TG: variants seen among roughly 807,000 people sequenced by gnomAD.
The protein encoded by TG is thyroid hormones.
TG carries 270 observed loss-of-function variants against 324.7 expected under a neutral mutation model. That is an observed-to-expected ratio of 0.83 (90% CI 0.75 to 0.92). TG has a LOEUF of 0.92. Ranked by LOEUF, TG falls within the 40% of genes least tolerant of loss-of-function variation. The probability of loss-of-function intolerance (pLI) is 0.00; values close to 1 mark genes in which losing one functional copy is unlikely to be tolerated. For missense variants in TG, 3,591 were observed against 3,456.4 expected, an observed-to-expected ratio of 1.04 and a Z score of -0.98; for synonymous variants, 1,401 against 1,327.0, an observed-to-expected ratio of 1.06 and a Z score of -1.21.
chr8:132,908,257 A>C lies in TG; in HGVS notation c.3919A>C (p.Ser1307Arg), dbSNP rs528428282. 8.7e-6 allele frequency: 14 copies of C among 1,614,020 alleles called. 1 individual carries two copies. The South Asian group carries it at 1.3e-4, about 15-fold the overall frequency. ...CCAGCTCCCGCCGGGCAAGATGTGC[A>C]GTGCTGACTACGCGGATTTGCTGCA... is the stretch of plus-strand genomic sequence containing the variant. ...QLQLPPGKMC[S>R]ADYADLLQTF... The change falls in exon 18 of 48, where the codon AGT becomes CGT. Residue 1307 changes from serine to arginine, a missense_variant. Transcript: ENST00000220616.
chr8:132,975,938 T>C (rs1830119837), intron 34 of TG, among the ~76,000 whole-genome samples: 1 of 152,188 alleles, frequency 6.6e-6, no homozygotes. Flanking sequence ...TCTCTCTTAC[T>C]ATAAGTTTTT....
intron 13 of TG, 113 bp downstream of exon 13, chr8:132,898,359 G>T (rs1161744263): frequency 2.8e-6 from 3 of 1,059,114 alleles, no homozygotes; most frequent in Admixed American, 2.0e-5. Flanking sequence ...CTTCAGCCAG[G>T]TCCCGGGTGC....
Position 133,114,927 on chromosome 8 carries a change from G to A in TG, c.7754+1324G>A, listed in dbSNP as rs986223896. On this transcript the variant is annotated intron_variant, in intron 44 of 47. Coordinates refer to ENST00000220616, the MANE Select transcript of TG (RefSeq NM_003235.5). ...ACTGTACCACCCACTTGGATCTTGC[G>A]GACTAAAAGGCTTTAATTTTCCCTC... Among the ~76,000 whole-genome samples the A allele has an allele frequency of 5.9e-5, 9 of 152,052 alleles. No homozygotes were observed. In the South Asian group the frequency reaches 6.2e-4, roughly 11 times the overall value.
At chr8:133,025,948 A>G (rs72727500) in intron 40 of TG, among the ~76,000 whole-genome samples, 33,400 of 152,038 alleles carry the variant, frequency 0.22, 4,247 homozygotes, top group African/African-American at 0.34. Flanking sequence ...GCCTGTCTGC[A>G]AGCAGAAGAT....
intron 43 of TG, chr8:133,102,938 T>A: frequency 3.8e-6 from 1 of 260,978 alleles, no homozygotes. Flanking sequence ...CATGTGGGAG[T>A]TGGAAAGCAG....
chr8:132,882,554 C>G lies in TG; in HGVS notation c.831C>G (p.Tyr277Ter). 2 of 1,614,220 alleles carry G rather than the reference C, an allele frequency of 1.2e-6. No individual in the cohort carries two copies. The highest frequency in any genetic ancestry group is 1.7e-6 in the Non-Finnish European group (2 of 1,180,054). The change falls in exon 7 of 48, where the codon TAC becomes TAG. Residue 277 changes from tyrosine to a stop codon, truncating the protein, a stop_gained. Coordinates refer to ENST00000220616, the MANE Select transcript of TG (RefSeq NM_003235.5). LOFTEE classifies it high-confidence loss of function. ...LPSTFTETTL[Y>*]RILQRRFLAV... ...CCACCTTCACTGAAACCACCCTGTA[C>G]CGGATACTGCAGAGACGGTTCCTCG...
chr8:132,964,618 G>A (rs1828272250), intron 29 of TG: 1 of 398,712 alleles, frequency 2.5e-6, no homozygotes, highest in African/African-American at 2.1e-5. Flanking sequence ...TTGCTTTTAA[G>A]GAGGGCACAT....
At chr8:133,018,968 CAAATATGCGTG>C (rs1835309369) in intron 38 of TG, among the ~76,000 whole-genome samples, 1 of 152,312 alleles carries the variant, frequency 6.6e-6, no homozygotes, top group East Asian at 1.9e-4. Context: ...ACAAAAATAA[CAAATATGCGTG>C]AATTAAAGTG....
At chr8:132,969,175 G>A (rs958535068) in intron 31 of TG, among the ~76,000 whole-genome samples, 2 of 152,130 alleles carry the variant, frequency 1.3e-5, no homozygotes, top group Non-Finnish European at 2.9e-5. Context: ...CCACAGAAAA[G>A]TTGAGTAGTT....
chr8:133,094,500 A>G (rs1366086272), intron 41 of TG: 1 of 181,608 alleles, frequency 5.5e-6, no homozygotes, highest in African/African-American at 2.4e-5. Context: ...TCAGCCTCCC[A>G]AAGTGAGAAA....
At chr8:133,009,566 A>G (rs760912599) in intron 35 of TG, among the ~76,000 whole-genome samples, 2 of 151,602 alleles carry the variant, frequency 1.3e-5, no homozygotes, top group Non-Finnish European at 2.9e-5. Context: ...TAGACATGTC[A>G]TAGACTGAAT....
chr8:132,894,925 G>T (rs1464691287), intron 11 of TG, among the ~76,000 whole-genome samples: 1 of 152,188 alleles, frequency 6.6e-6, no homozygotes, highest in Middle Eastern at 3.2e-3. Flanking sequence ...TAAGTCACTT[G>T]CCCGAATTCA....
intron 35 of TG, among the ~76,000 whole-genome samples, chr8:132,993,911 C>G (rs891488702): frequency 2.0e-5 from 3 of 152,348 alleles, no homozygotes; most frequent in Non-Finnish European, 4.4e-5. Context: ...TTCTAAATAT[C>G]CTTCTTAGCT....
At chr8:133,059,120 G>T in intron 41 of TG, 2 of 456,296 alleles carry the variant, frequency 4.4e-6, no homozygotes, top group South Asian at 3.1e-5. Flanking sequence ...GGCAGACAGG[G>T]CAGCCATCTG....
intron 43 of TG, among the ~76,000 whole-genome samples, chr8:133,098,104 C>T (rs1848705905): frequency 6.6e-5 from 10 of 152,146 alleles, no homozygotes; most frequent in Admixed American, 6.5e-4. Context: ...ATAGCCCTTA[C>T]CCTGAGGGGC....
intron 35 of TG, among the ~76,000 whole-genome samples, chr8:133,004,731 C>T (rs890283917): frequency 6.6e-6 from 1 of 152,170 alleles, no homozygotes; most frequent in Non-Finnish European, 1.5e-5. Flanking sequence ...ACCCTGCCAA[C>T]CACACATCTG....
chr8:133,114,111 C>A (rs554483116), intron 44 of TG, among the ~76,000 whole-genome samples: 2 of 152,276 alleles, frequency 1.3e-5, no homozygotes, highest in East Asian at 3.9e-4. Flanking sequence ...TTCCACCTTG[C>A]AGTCCAGGCC....
Position 132,880,712 on chromosome 8 carries a change from A to C in TG, c.639-1151A>C, listed in dbSNP as rs1814535354. Among the ~76,000 whole-genome samples the C allele has an allele frequency of 2.0e-5, 3 of 152,326 alleles. No individual in the cohort carries two copies. The South Asian group carries it at 6.2e-4, about 32-fold the overall frequency. ...AGGCTCTCAGCAATTACTACACCAC[A>C]CATTGACTTCCAATACTGATTCAGT... On this transcript the variant is annotated intron_variant, in intron 5 of 47. Transcript: ENST00000220616.
chr8:132,943,026 A>G (rs1291398237), intron 26 of TG, among the ~76,000 whole-genome samples: 4 of 152,150 alleles, frequency 2.6e-5, no homozygotes, highest in Admixed American at 6.5e-5. Context: ...CATCTGCACA[A>G]TATCCCCACC....
Sources: gnomAD v4.1 joint callset for allele counts (sites outside exome capture counted in the v4.1 genomes callset) on GRCh38, gnomAD v4.1.1 for gene constraint, MANE v1.5 for transcripts, NCBI Gene and HGNC (gene_info 2026-07-23, HGNC 2026-07-21) for gene names.